Variants in VAT1L observed in about 807,000 individuals in gnomAD.
The protein encoded by VAT1L is vesicle amine transport 1 like.
In VAT1L, 34 loss-of-function variants were observed where a neutral mutation model predicts 44.1. That is an observed-to-expected ratio of 0.77 (90% CI 0.59 to 1.03). The LOEUF is 1.03. Ranked by LOEUF, VAT1L falls within the 50% of genes least tolerant of loss-of-function variation. VAT1L has a pLI of 0.00. For synonymous variants in VAT1L, 253 were observed against 202.2 expected (o/e 1.25, Z -2.13); for missense variants, 615 against 538.8 (o/e 1.14, Z -1.40).
intron 2 of VAT1L, among the ~76,000 whole-genome samples, chr16:77,824,590 C>T (rs2016496208): frequency 6.6e-6 from 1 of 151,562 alleles, no homozygotes; most frequent in South Asian, 2.1e-4. Flanking sequence ...CCTGTCTCTA[C>T]TAAAAATACA....
intron 4 of VAT1L, among the ~76,000 whole-genome samples, chr16:77,867,025 C>T (rs2016982163): frequency 6.6e-6 from 1 of 152,152 alleles, no homozygotes; most frequent in Non-Finnish European, 1.5e-5. Context: ...TAATAATAGC[C>T]ACGCTTTGTT....
chr16:77,949,124 A>C (rs986946528), intron 7 of VAT1L, among the ~76,000 whole-genome samples: 6 of 152,200 alleles, frequency 3.9e-5, no homozygotes, highest in Non-Finnish European at 7.3e-5. Flanking sequence ...TCAGAGAACA[A>C]ACAGGAGGCT....
chr16:77,813,351 C>T (rs1281594098), intron 1 of VAT1L, among the ~76,000 whole-genome samples: 1 of 152,144 alleles, frequency 6.6e-6, no homozygotes, highest in African/African-American at 2.4e-5. Context: ...TGATTGATTA[C>T]GGTATTCGTT....
At chr16:77,837,052 T>C (rs993132108) in intron 3 of VAT1L, among the ~76,000 whole-genome samples, 1 of 149,760 alleles carries the variant, frequency 6.7e-6, no homozygotes, top group African/African-American at 2.5e-5. Flanking sequence ...AGAGCTGGCA[T>C]GTGCACTCTC....
intron 6 of VAT1L, among the ~76,000 whole-genome samples, chr16:77,883,258 C>A (rs971373040): frequency 6.6e-6 from 1 of 152,130 alleles, no homozygotes; most frequent in Non-Finnish European, 1.5e-5. Flanking sequence ...CCTAGAATCC[C>A]CCAGAAACTG....
At chr16:77,818,316 T>C (rs1487398611) in intron 2 of VAT1L, among the ~76,000 whole-genome samples, 1 of 152,152 alleles carries the variant, frequency 6.6e-6, no homozygotes, top group East Asian at 1.9e-4. Flanking sequence ...GGAAATCTCA[T>C]CCCATTTATT....
chr16:77,838,246 A>G (rs2016661871), intron 3 of VAT1L, among the ~76,000 whole-genome samples: 2 of 152,224 alleles, frequency 1.3e-5, no homozygotes, highest in African/African-American at 2.4e-5. Context: ...TCCCAGTGAC[A>G]TACCCAAAAG....
chr16:77,875,025 C>A (rs2017073758), intron 4 of VAT1L, among the ~76,000 whole-genome samples: 1 of 152,152 alleles, frequency 6.6e-6, no homozygotes, highest in Non-Finnish European at 1.5e-5. Context: ...TTTTAGTAAA[C>A]CCTGCAGGTT....
chr16:77,912,659 A>G (rs909579061), intron 7 of VAT1L, among the ~76,000 whole-genome samples: 11 of 152,192 alleles, frequency 7.2e-5, no homozygotes, highest in Admixed American at 5.2e-4. Flanking sequence ...ACATGTTGCT[A>G]TTTCTCCTAT....
intron 7 of VAT1L, among the ~76,000 whole-genome samples, chr16:77,950,958 T>C (rs1296795624): frequency 1.3e-5 from 2 of 152,208 alleles, no homozygotes; most frequent in African/African-American, 4.8e-5. Context: ...GGTAAATTAC[T>C]GGATCTAGGC....
intron 3 of VAT1L, among the ~76,000 whole-genome samples, chr16:77,843,414 G>A (rs2145261624): frequency 6.6e-6 from 1 of 152,246 alleles, no homozygotes; most frequent in East Asian, 1.9e-4. Flanking sequence ...TGACCCCCAG[G>A]AGAGATGCTG....
chr16:77,973,215 G>A (rs370818639), intron 8 of VAT1L, among the ~76,000 whole-genome samples: 8 of 152,198 alleles, frequency 5.3e-5, no homozygotes, highest in East Asian at 1.9e-4. Flanking sequence ...ATCCCCTATC[G>A]GTAAAGTGGA....
chr16:77,799,417 G>A (rs754277010), intron 1 of VAT1L, among the ~76,000 whole-genome samples: 5 of 151,858 alleles, frequency 3.3e-5, no homozygotes, highest in Non-Finnish European at 7.4e-5. Context: ...ATGAGGAGCT[G>A]TGATTGACCA....
intron 3 of VAT1L, among the ~76,000 whole-genome samples, chr16:77,829,460 A>G (rs562257880): frequency 3.3e-5 from 5 of 152,360 alleles, no homozygotes; most frequent in African/African-American, 9.6e-5. Context: ...AGGAAACCTG[A>G]ATACAGCATG....
At chr16:77,802,112 C>T (rs1172204202) in intron 1 of VAT1L, among the ~76,000 whole-genome samples, 2 of 152,196 alleles carry the variant, frequency 1.3e-5, no homozygotes, top group Admixed American at 6.5e-5. Flanking sequence ...ACCCTCCCAC[C>T]GCTTTGAGCC....
chr16:77,966,543 T>C (rs2018224609), intron 7 of VAT1L, among the ~76,000 whole-genome samples: 1 of 152,076 alleles, frequency 6.6e-6, no homozygotes, highest in Non-Finnish European at 1.5e-5. Flanking sequence ...AGAAAAGCAA[T>C]AAAGCCAGAA....
At chr16:77,962,025 C>G (rs1231601623) in intron 7 of VAT1L, among the ~76,000 whole-genome samples, 1 of 152,100 alleles carries the variant, frequency 6.6e-6, no homozygotes, top group South Asian at 2.1e-4. Flanking sequence ...AGCTGTGAGT[C>G]ATCTCTAATT....
chr16:77,811,079 A>G (rs1419060668), intron 1 of VAT1L, among the ~76,000 whole-genome samples: 1 of 152,190 alleles, frequency 6.6e-6, no homozygotes, highest in East Asian at 1.9e-4. Flanking sequence ...TCAATAGAGA[A>G]GTAGGTTTCG....
chr16:77,898,847 C>G (rs900864989), intron 7 of VAT1L, among the ~76,000 whole-genome samples: 1 of 152,198 alleles, frequency 6.6e-6, no homozygotes, highest in Non-Finnish European at 1.5e-5. Context: ...AACAGAAGCT[C>G]TGAACAGCAC....
Sources: gnomAD v4.1 joint callset for allele counts (sites outside exome capture counted in the v4.1 genomes callset) on GRCh38, gnomAD v4.1.1 for gene constraint, MANE v1.5 for transcripts, NCBI Gene and HGNC (gene_info 2026-07-23, HGNC 2026-07-21) for gene names.